ERCC6L2: variants seen among roughly 807,000 people sequenced by gnomAD.
ERCC6L2 encodes the protein ERCC excision repair 6 like 2.
In ERCC6L2, 77 loss-of-function variants were observed where a neutral mutation model predicts 132.0. The observed-to-expected ratio is 0.58, with a 90% confidence interval of 0.49 to 0.71. The LOEUF is 0.71. Ranked by LOEUF, ERCC6L2 falls within the 30% of genes least tolerant of loss-of-function variation. The pLI, the probability that ERCC6L2 is intolerant of heterozygous loss-of-function variation, is 0.00. For missense variants in ERCC6L2, 1,542 were observed against 1,837.6 expected (o/e 0.84, Z 2.94); for synonymous variants, 583 against 632.4 (o/e 0.92, Z 1.17).
chr9:95,902,111 A>C (rs190950458), intron 3 of ERCC6L2, among the ~76,000 whole-genome samples: 1 of 152,142 alleles, frequency 6.6e-6, no homozygotes, highest in East Asian at 1.9e-4. Context: ...GATACGATAC[A>C]TCTCATATAC....
chr9:95,997,081 G>A (rs1357351635), intron 17 of ERCC6L2, among the ~76,000 whole-genome samples: 2 of 152,128 alleles, frequency 1.3e-5, no homozygotes, highest in African/African-American at 4.8e-5. Flanking sequence ...AATTAAATTT[G>A]AAAAGAAAAT....
At chr9:95,931,764 C>T (rs868428932) in intron 11 of ERCC6L2, among the ~76,000 whole-genome samples, 13 of 151,924 alleles carry the variant, frequency 8.6e-5, no homozygotes, top group Non-Finnish European at 1.9e-4. Flanking sequence ...TAAAATTTCA[C>T]GGTGATATTT....
At chr9:95,936,110 CAA>C (rs1013484792) in intron 11 of ERCC6L2, among the ~76,000 whole-genome samples, 4 of 152,100 alleles carry the variant, frequency 2.6e-5, no homozygotes, top group African/African-American at 7.2e-5. Context: ...AGAAGGGACT[CAA>C]GAGAAAAACA....
rs113587974 is a variant in ERCC6L2 at position 95,972,991 on chromosome 9, G to A, written c.3240G>A (p.Lys1080=). The change falls in exon 16 of 19, where the codon AAG becomes AAA. Residue 1080 remains lysine (K), a synonymous_variant. Transcript: ENST00000653738. ...SFSSKLPSHN[K]KNSTFIPRKP... ...CTTCAAAATTGCCTAGCCATAATAA[G>A]AAAAATAGCACTTTTATTCCAAGAA... 1 of 1,352,236 alleles carries A rather than the reference G, an allele frequency of 7.4e-7. No homozygotes were observed. Among genetic ancestry groups the A allele is most frequent in the Non-Finnish European group, 9.9e-7 (1 of 1,014,202 alleles). The allele number at this position is 1,352,236 out of a possible 1,614,324, so 83.8% of individuals were successfully genotyped here.
rs776579738 is a variant in ERCC6L2 at position 96,034,645 on chromosome 9, C to T, written c.*1504-4231C>T. Among the ~76,000 whole-genome samples, 46 of 152,284 alleles carry T rather than the reference C, an allele frequency of 3.0e-4. 1 individual carries two copies. Among genetic ancestry groups the T allele is most frequent in the East Asian group, 9.7e-4 (5 of 5,174 alleles). Reference sequence around the variant, plus strand: ...GGGAGCCAGCTGCAGCAGGAAGGCACGGCTGGGGCTGCACACTCCATGAAG... The same window carrying T: ...GGGAGCCAGCTGCAGCAGGAAGGCATGGCTGGGGCTGCACACTCCATGAAG... On this transcript the variant is annotated intron_variant and NMD_transcript_variant, in intron 19 of 20. Coordinates refer to the ERCC6L2 transcript ENST00000670016.
intron 12 of ERCC6L2, 114 bp downstream of exon 12, chr9:95,941,663 GT>G: frequency 1.4e-6 from 1 of 713,836 alleles, no homozygotes; most frequent in Admixed American, 2.6e-5. Flanking sequence ...GGGGAAACTG[GT>G]AAAAACGTAC....
rs563893169 is a variant in ERCC6L2, at chr9:96,015,425, C to T, written c.*2222C>T. The stretch of plus-strand genomic sequence containing the variant: ...CTGGTCTCAATCTCCTGGCTGCAAG[C>T]GATCCACCTGCCTTGTCCTCCCAAA... On this transcript the variant is annotated 3_prime_UTR_variant, in exon 19 of 19. Coordinates refer to ENST00000653738, the MANE Select transcript of ERCC6L2 (RefSeq NM_020207.7). Among the ~76,000 whole-genome samples, 33 of 151,794 alleles carry T rather than the reference C, an allele frequency of 2.2e-4. No individual in the cohort carries two copies. Among genetic ancestry groups the T allele is most frequent in the African/African-American group, 7.5e-4 (31 of 41,496 alleles).
At chr9:95,914,286 T>A (rs1030903560) in intron 4 of ERCC6L2, among the ~76,000 whole-genome samples, 1 of 152,240 alleles carries the variant, frequency 6.6e-6, no homozygotes, top group African/African-American at 2.4e-5. Context: ...TATCTTCAGA[T>A]AGACATTTGG....
Position 95,915,848 on chromosome 9 carries a change from T to C in ERCC6L2, c.950+19T>C. 1 of 1,571,332 alleles carries C rather than the reference T, an allele frequency of 6.4e-7. No individual in the cohort carries two copies. On this transcript the variant is annotated intron_variant, in intron 5 of 18. Transcript: ENST00000653738. ...TGGACTGGTGAGAGAAAACACTTTT[T>C]AAAAAATTGTTTAATAGTTCTTCAG... is the stretch of plus-strand genomic sequence containing the variant.
intron 17 of ERCC6L2, among the ~76,000 whole-genome samples, chr9:96,001,502 C>T (rs193182630): frequency 2.0e-5 from 3 of 152,334 alleles, no homozygotes; most frequent in African/African-American, 7.2e-5. Flanking sequence ...TCGATTGGTG[C>T]ATTCACAAAC....
intron 18 of ERCC6L2, among the ~76,000 whole-genome samples, chr9:96,005,032 A>G (rs1205327534): frequency 2.6e-5 from 4 of 152,204 alleles, no homozygotes; most frequent in Non-Finnish European, 5.9e-5. Flanking sequence ...AAAAAAGGAC[A>G]GCAGGGTGCG....
chr9:95,905,696 G>A lies in ERCC6L2; in HGVS notation c.595-1382G>A, dbSNP rs144598230. 8.1e-3 allele frequency among the ~76,000 whole-genome samples: 1,238 copies of A among 152,216 alleles called. 10 individuals carry two copies. The highest frequency in any genetic ancestry group is 0.041 in the Middle Eastern group (12 of 294). On this transcript the variant is annotated intron_variant, in intron 3 of 18. Coordinates refer to ENST00000653738, the MANE Select transcript of ERCC6L2 (RefSeq NM_020207.7). ...CTTACATATGCTTGATGATGGCTTG[G>A]GAAAAAGGAACTCTCACGTTCAGCA...
At chr9:95,953,828 T>C (rs1361410403) in intron 12 of ERCC6L2, among the ~76,000 whole-genome samples, 2 of 152,068 alleles carry the variant, frequency 1.3e-5, no homozygotes, top group Non-Finnish European at 2.9e-5. Context: ...AAAAGTCTAA[T>C]CTGAGGGAAA....
chr9:95,927,769 GAAATT>G (rs1432886897), intron 9 of ERCC6L2, among the ~76,000 whole-genome samples: 1 of 152,032 alleles, frequency 6.6e-6, no homozygotes, highest in Non-Finnish European at 1.5e-5. Flanking sequence ...GTGTATTTTG[GAAATT>G]AAATTAATCC....
chr9:95,963,529 C>A (rs955001774), intron 13 of ERCC6L2, among the ~76,000 whole-genome samples: 1 of 152,012 alleles, frequency 6.6e-6, no homozygotes, highest in Admixed American at 6.6e-5. Flanking sequence ...TTTCCCCACC[C>A]TCCACACTCC....
chr9:95,948,353 A>G (rs1351891510), intron 12 of ERCC6L2, among the ~76,000 whole-genome samples: 3 of 152,176 alleles, frequency 2.0e-5, no homozygotes, highest in African/African-American at 7.2e-5. Context: ...TTGCAATCTC[A>G]TGATAAAACT....
intron 17 of ERCC6L2, among the ~76,000 whole-genome samples, chr9:95,978,617 C>T (rs968620345): frequency 4.6e-5 from 7 of 152,156 alleles, no homozygotes; most frequent in Non-Finnish European, 7.3e-5. Flanking sequence ...AAACTCATTT[C>T]ATATAGAATT....
At chr9:95,915,881 C>A (rs1316303600) in intron 5 of ERCC6L2, 52 bp downstream of exon 5, 1 of 1,501,958 alleles carries the variant, frequency 6.7e-7, no homozygotes, top group Non-Finnish European at 9.0e-7. Context: ...CAGCTGAATA[C>A]GGTCTTGTTT....
intron 18 of ERCC6L2, among the ~76,000 whole-genome samples, chr9:96,007,364 A>G (rs559432161): frequency 6.6e-6 from 1 of 152,358 alleles, no homozygotes; most frequent in South Asian, 2.1e-4. Context: ...TATGGGTGGG[A>G]CATCCACATG....
Sources: gnomAD v4.1 joint callset for allele counts (sites outside exome capture counted in the v4.1 genomes callset) on GRCh38, gnomAD v4.1.1 for gene constraint, MANE v1.5 for transcripts, NCBI Gene and HGNC (gene_info 2026-07-23, HGNC 2026-07-21) for gene names.